DYM: variants seen among roughly 807,000 people sequenced by gnomAD.
DYM encodes the protein dyggve-Melchior-Clausen syndrome protein.
A neutral mutation model predicts 93.1 loss-of-function variants in DYM; 78 were observed. The observed-to-expected ratio is 0.84, with a 90% confidence interval of 0.70 to 1.01. The LOEUF is 1.01. Ranked by LOEUF, DYM falls within the 50% of genes least tolerant of loss-of-function variation. DYM has a pLI of 0.00. For synonymous variants in DYM, 321 were observed against 319.7 expected (o/e 1.00, Z -0.04); for missense variants, 789 against 845.0 (o/e 0.93, Z 0.82).
intron 17 of DYM, among the ~76,000 whole-genome samples, chr18:49,055,221 C>T (rs1263886842): frequency 2.0e-5 from 3 of 151,974 alleles, no homozygotes; most frequent in East Asian, 3.9e-4. Context: ...CCTTCTGGGG[C>T]CGATCTGCAG....
intron 11 of DYM, among the ~76,000 whole-genome samples, chr18:49,264,331 G>A (rs1221148734): frequency 6.6e-6 from 1 of 152,006 alleles, no homozygotes; most frequent in Non-Finnish European, 1.5e-5. Context: ...GAACTTCTGA[G>A]AGGTGGAGTA....
chr18:49,336,174 A>G (rs2063657323), intron 6 of DYM, among the ~76,000 whole-genome samples: 1 of 152,188 alleles, frequency 6.6e-6, no homozygotes, highest in Non-Finnish European at 1.5e-5. Flanking sequence ...TTACAATTTA[A>G]CATCTTACTG....
At chr18:49,078,130 G>C (rs901630867) in intron 17 of DYM, among the ~76,000 whole-genome samples, 1 of 152,080 alleles carries the variant, frequency 6.6e-6, no homozygotes, top group African/African-American at 2.4e-5. Context: ...GGTTGCCCTA[G>C]AGATGACAAT....
intron 11 of DYM, among the ~76,000 whole-genome samples, chr18:49,263,745 G>A (rs2094527027): frequency 1.3e-5 from 2 of 151,986 alleles, no homozygotes; most frequent in South Asian, 4.2e-4. Flanking sequence ...GAAAAAAAAA[G>A]TAGTTACTAT....
intron 1 of DYM, among the ~76,000 whole-genome samples, chr18:49,440,054 A>G (rs1009652395): frequency 2.1e-5 from 3 of 141,240 alleles, no homozygotes; most frequent in Non-Finnish European, 4.6e-5. Context: ...ATAAATAAAT[A>G]AAACATGATA....
intron 8 of DYM, among the ~76,000 whole-genome samples, chr18:49,298,658 T>G (rs1185243550): frequency 6.6e-6 from 1 of 152,132 alleles, no homozygotes; most frequent in Non-Finnish European, 1.5e-5. Flanking sequence ...GAAGTTTTTT[T>G]TAAGTTTAAT....
chr18:49,258,769 C>T (rs1387941332), intron 11 of DYM, among the ~76,000 whole-genome samples: 1 of 134,856 alleles, frequency 7.4e-6, no homozygotes, highest in Non-Finnish European at 1.6e-5. Flanking sequence ...GATTTGTAAC[C>T]TAGGGATCAT....
At chr18:49,337,015 G>A (rs1599519969) in intron 6 of DYM, among the ~76,000 whole-genome samples, 1 of 152,064 alleles carries the variant, frequency 6.6e-6, no homozygotes, top group South Asian at 2.1e-4. Flanking sequence ...TATATAATAG[G>A]TACTCAATGG....
chr18:49,437,434 C>G (rs1311731162), intron 1 of DYM, among the ~76,000 whole-genome samples: 5 of 152,142 alleles, frequency 3.3e-5, no homozygotes, highest in African/African-American at 1.2e-4. Flanking sequence ...AGGTAGTCTA[C>G]ATCTTTTGCT....
At chr18:49,320,300 A>T (rs187401630) in intron 8 of DYM, among the ~76,000 whole-genome samples, 1 of 152,118 alleles carries the variant, frequency 6.6e-6, no homozygotes, top group East Asian at 1.9e-4. Context: ...AAGTCAAAAA[A>T]CTCTATAATG....
chr18:49,445,008 CCT>C lies in DYM; in HGVS notation c.-53-14563_-53-14562del, dbSNP rs1568461097. ...ACTCCAATTAAGCCAAATGTTATCC[CCT>C]CTCCTCCAAAAAAACATTCATTCTT... On this transcript the variant is annotated intron_variant, in intron 1 of 17. Coordinates refer to ENST00000675505, the MANE Select transcript of DYM (RefSeq NM_001353214.3). Among the ~76,000 whole-genome samples, 18 of 152,100 alleles carry C rather than the reference CCT, an allele frequency of 1.2e-4. No homozygotes were observed. The South Asian group carries it at 3.7e-3, about 32-fold the overall frequency.
intron 8 of DYM, among the ~76,000 whole-genome samples, chr18:49,297,043 C>A (rs944061286): frequency 3.9e-5 from 6 of 152,046 alleles, no homozygotes; most frequent in Non-Finnish European, 7.4e-5. Flanking sequence ...TTAAAGTGTA[C>A]AAGTAATAAG....
chr18:49,130,912 C>T (rs2083323154), intron 15 of DYM, among the ~76,000 whole-genome samples: 1 of 152,164 alleles, frequency 6.6e-6, no homozygotes, highest in Non-Finnish European at 1.5e-5. Flanking sequence ...TGGAGTCAGC[C>T]TTGAATCCCA....
chr18:49,316,758 A>C, intron 8 of DYM, among the ~76,000 whole-genome samples: 1 of 149,684 alleles, frequency 6.7e-6, no homozygotes. Context: ...TCTTTTTACT[A>C]TCTCTCTTTT....
intron 8 of DYM, among the ~76,000 whole-genome samples, chr18:49,323,227 G>A (rs2062638529): frequency 1.3e-5 from 2 of 152,162 alleles, no homozygotes; most frequent in Admixed American, 1.3e-4. Flanking sequence ...AGTTAGCAGG[G>A]TTAGAATGGG....
At chr18:49,401,597 C>G (rs903072978) in intron 2 of DYM, among the ~76,000 whole-genome samples, 4 of 151,836 alleles carry the variant, frequency 2.6e-5, no homozygotes, top group Admixed American at 2.6e-4. Context: ...AGAACTATGC[C>G]CAAGAATCAA....
intron 15 of DYM, among the ~76,000 whole-genome samples, chr18:49,131,922 T>A (rs2083414217): frequency 6.6e-6 from 1 of 152,092 alleles, no homozygotes; most frequent in Non-Finnish European, 1.5e-5. Flanking sequence ...TGCCGTATAA[T>A]TGGATGGGAG....
intron 14 of DYM, among the ~76,000 whole-genome samples, chr18:49,166,748 A>G (rs1397264101): frequency 6.6e-6 from 1 of 152,184 alleles, no homozygotes; most frequent in Admixed American, 6.5e-5. Flanking sequence ...TTTGAGGCTA[A>G]AAGAACTTTG....
chr18:49,274,321 G>C (rs2094793732), intron 10 of DYM, among the ~76,000 whole-genome samples: 1 of 152,044 alleles, frequency 6.6e-6, no homozygotes, highest in Non-Finnish European at 1.5e-5. Flanking sequence ...TATGTATCAG[G>C]ATCTCATTCC....
Sources: gnomAD v4.1 joint callset for allele counts (sites outside exome capture counted in the v4.1 genomes callset) on GRCh38, gnomAD v4.1.1 for gene constraint, MANE v1.5 for transcripts, NCBI Gene and HGNC (gene_info 2026-07-23, HGNC 2026-07-21) for gene names.